EBLN1: variants seen among roughly 807,000 people sequenced by gnomAD.
EBLN1 encodes endogenous Bornavirus-like nucleoprotein 1.
In EBLN1, 1 loss-of-function variant was observed where a neutral mutation model predicts 0.8. That is an observed-to-expected ratio of 1.32 (90% CI 0.47 to 6.26). The LOEUF is 6.26. Ranked by LOEUF, EBLN1 falls within the 30% of genes most tolerant of loss-of-function variation. The pLI is 0.15. For missense variants in EBLN1, 396 were observed against 447.9 expected, an observed-to-expected ratio of 0.88 and a Z score of 1.05; for synonymous variants, 158 against 158.5, an observed-to-expected ratio of 1.00 and a Z score of 0.02.
chr10:22,217,820 A>G (rs1834804802), intron 1 of EBLN1, among the ~76,000 whole-genome samples, 96 bp downstream of exon 1: 1 of 152,236 alleles, frequency 6.6e-6, no homozygotes, highest in Non-Finnish European at 1.5e-5. Flanking sequence ...TAATGTAAAG[A>G]GGAGTAACTA....
Position 22,209,147 on chromosome 10 carries a change from A to C in EBLN1, c.837T>G (p.Phe279Leu), listed in dbSNP as rs1307371262. Residue 279 changes from phenylalanine to leucine, a missense_variant, in exon 3 of 3, where the codon TTT (phenylalanine) becomes TTG (leucine). By Grantham distance (22) the Phe-to-Leu change is conservative. Transcript: ENST00000422359. ...PLAKKVLGDF[F>L]EFGGVLRHPV... ...GGTGGCGAAGTACACCCCCAAATTC[A>C]AAGAAATCTCCAAGTACCTTTTTAG... 6.5e-7 allele frequency: 1 copy of C among 1,535,924 alleles called. No individual in the cohort carries two copies. Among genetic ancestry groups the C allele is most frequent in the East Asian group, 2.4e-5 (1 of 40,926 alleles).
rs1265974085 is a variant in EBLN1 at position 22,209,279 on chromosome 10, C to T, written c.705G>A (p.Met235Ile). 1 of 1,590,048 alleles carries T rather than the reference C, an allele frequency of 6.3e-7. No homozygotes were observed. The highest frequency in any genetic ancestry group is 8.5e-7 in the Non-Finnish European group (1 of 1,175,466). ...VKVVASKAQM[M>I]TYYTVRMFLD... ...GGAACATTCTCACAGTGTAGTAGGT[C>T]ATCATCTGTGCTTTGCTGGCAACTA... Residue 235 changes from methionine (M) to isoleucine (I), a missense_variant, in exon 3 of 3, where the codon ATG (methionine) becomes ATA (isoleucine). Physicochemically the swap from Met to Ile is conservative, Grantham distance 10 (BLOSUM62 1). Coordinates refer to ENST00000422359, the MANE Select transcript of EBLN1 (RefSeq NM_001394757.1).
In EBLN1 at chr10:22,210,034, A is replaced by T; in HGVS notation, c.-44-7T>A. 7.7e-7 allele frequency: 1 copy of T among 1,304,538 alleles called. No homozygotes were observed. The highest frequency in any genetic ancestry group is 1.5e-5 in the African/African-American group (1 of 68,064). 80.8% of individuals were successfully genotyped at this position (1,304,538 alleles called of 1,614,324 possible). A position where few individuals can be genotyped will look rare whatever the true frequency, so the allele number is the denominator to read the frequency against. ...CACACAATTTTGTACTGTACTAAAA[A>T]AATATAGAGAATGGCAATACAACAA... On this transcript the variant is annotated splice_polypyrimidine_tract_variant and splice_region_variant and intron_variant, in intron 2 of 2. Transcript: ENST00000422359.
rs1375477593 is a variant in EBLN1 at position 22,209,242 on chromosome 10, C to T, written c.742G>A (p.Val248Met). 2 of 1,559,562 alleles carry T rather than the reference C, an allele frequency of 1.3e-6. No homozygotes were observed. Among genetic ancestry groups the T allele is most frequent in the African/African-American group, 2.7e-5 (2 of 74,064 alleles). The change falls in exon 3 of 3, where the codon GTG becomes ATG. Residue 248 changes from valine (V) to methionine (M), a missense_variant. Physicochemically the swap from Val to Met is conservative, Grantham distance 21. Transcript: ENST00000422359. ...GCGGGTAAAGCAGTGGAACCATCCA[C>T]ACACTGATCCAGGAACATTCTCACA... ...YTVRMFLDQCVDGSTALPAVV... is the reference protein window; with the variant it reads ...YTVRMFLDQCMDGSTALPAVV...
chr10:22,212,040 CA>C (rs1205482841), intron 2 of EBLN1, among the ~76,000 whole-genome samples: 1 of 152,078 alleles, frequency 6.6e-6, no homozygotes, highest in Non-Finnish European at 1.5e-5. Flanking sequence ...TTACTAAAAC[CA>C]AAGGTCTTAA....
chr10:22,209,352 A>G lies in EBLN1; in HGVS notation c.632T>C (p.Phe211Ser). The change falls in exon 3 of 3, where the codon TTT becomes TCT. Residue 211 changes from phenylalanine to serine, a missense_variant. Coordinates refer to ENST00000422359, the MANE Select transcript of EBLN1 (RefSeq NM_001394757.1). The part of the protein sequence containing the change: ...WVGGLMFTFL[F>S]GEFESPACEL... ...GCACGCAGGGGATTCAAATTCTCCA[A>G]ATAGAAATGTGAACATTAATCCTCC... 1 of 1,605,286 alleles carries G rather than the reference A, an allele frequency of 6.2e-7. No individual in the cohort carries two copies. The highest frequency in any genetic ancestry group is 2.2e-5 in the East Asian group (1 of 44,886).
At chr10:22,217,821 G>T (rs976258927) in intron 1 of EBLN1, among the ~76,000 whole-genome samples, 95 bp downstream of exon 1, 1 of 152,164 alleles carries the variant, frequency 6.6e-6, no homozygotes, top group Admixed American at 6.5e-5. Context: ...AATGTAAAGA[G>T]GAGTAACTAG....
At chr10:22,213,136 T>C (rs1808080920) in intron 1 of EBLN1, among the ~76,000 whole-genome samples, 171 bp from the exon 2 acceptor site, 1 of 152,110 alleles carries the variant, frequency 6.6e-6, no homozygotes, top group South Asian at 2.1e-4. Flanking sequence ...CCTCAGTAAA[T>C]ACACTCCTTT....
rs1306232298 is a variant in EBLN1 at position 22,212,929 on chromosome 10, T to C, written c.-132A>G. Among the ~76,000 whole-genome samples, 1 of 149,664 alleles carries C rather than the reference T, an allele frequency of 6.7e-6. No individual in the cohort carries two copies. The highest frequency in any genetic ancestry group is 2.0e-4 in the East Asian group (1 of 5,118). On this transcript the variant is annotated 5_prime_UTR_variant, in exon 2 of 3. Transcript: ENST00000422359. ...GTGCAGTGAGCTATGATCATACCAC[T>C]GCACTCCAGCCTGGCCAACAGAGTG... is the stretch of plus-strand genomic sequence containing the variant.
chr10:22,210,637 G>A (rs1834743460), intron 2 of EBLN1, among the ~76,000 whole-genome samples: 1 of 152,154 alleles, frequency 6.6e-6, no homozygotes, highest in African/African-American at 2.4e-5. Context: ...ATTTGTCTAG[G>A]ATATTGCTCA....
chr10:22,215,615 A>G (rs1416413479), intron 1 of EBLN1, among the ~76,000 whole-genome samples: 1 of 152,178 alleles, frequency 6.6e-6, no homozygotes, highest in African/African-American at 2.4e-5. Context: ...GCAAATTGAC[A>G]CCACCTTTTT....
rs376340240 is a variant in EBLN1, at chr10:22,218,008, G to A, written c.-261C>T. 1 of 152,260 alleles carries A rather than the reference G, an allele frequency of 6.6e-6. No homozygotes were observed. The highest frequency in any genetic ancestry group is 1.5e-5 in the Non-Finnish European group (1 of 68,090). 9.4% of individuals were successfully genotyped at this position (152,260 alleles called of 1,614,324 possible). On this transcript the variant is annotated 5_prime_UTR_variant, in exon 1 of 3. Transcript: ENST00000422359. ...TCCTCACAGGGCAGCAGGACCTAGA[G>A]AAAGAGCAAGGACGAGGGGAACTGC...
Position 22,209,708 on chromosome 10 carries a change from T to C in EBLN1, c.276A>G (p.Ala92=). ...LCFIFDGLHK[A]LLSVGVSKRS... ...TTTTGCTCACACCGACACTGAGTAGTGCCTTGTGTAATCCATCGAATATAA... is the reference window on the plus strand; with the variant it reads ...TTTTGCTCACACCGACACTGAGTAGCGCCTTGTGTAATCCATCGAATATAA... Residue 92 remains alanine, a synonymous_variant, in exon 3 of 3, where the codon GCA becomes GCG. Coordinates refer to ENST00000422359, the MANE Select transcript of EBLN1 (RefSeq NM_001394757.1). The C allele has an allele frequency of 6.5e-7, 1 of 1,535,934 alleles. No individual in the cohort carries two copies. The highest frequency in any genetic ancestry group is 8.7e-7 in the Non-Finnish European group (1 of 1,146,938).
At chr10:22,210,100 C>T (rs1834736595) in intron 2 of EBLN1, 73 bp from the exon 3 acceptor site, 55 of 1,173,322 alleles carry the variant, frequency 4.7e-5, no homozygotes, top group Non-Finnish European at 5.7e-5. Context: ...TGTATTATGA[C>T]TTCTGTATCT....
chr10:22,211,712 C>T (rs186167151), intron 2 of EBLN1, among the ~76,000 whole-genome samples: 91 of 152,078 alleles, frequency 6.0e-4, no homozygotes, highest in African/African-American at 2.0e-3. Context: ...AGGATGGTCT[C>T]GAACTCCTGA....
intron 1 of EBLN1, among the ~76,000 whole-genome samples, chr10:22,214,167 C>T (rs1331459918): frequency 6.6e-6 from 1 of 151,772 alleles, no homozygotes; most frequent in Non-Finnish European, 1.5e-5. Flanking sequence ...ATACCATCCA[C>T]CCAAATAACC....
At chr10:22,211,182 T>G (rs962174236) in intron 2 of EBLN1, among the ~76,000 whole-genome samples, 11 of 152,242 alleles carry the variant, frequency 7.2e-5, no homozygotes, top group Non-Finnish European at 1.5e-4. Flanking sequence ...TGTTTTGTCA[T>G]GTTCTTAACT....
Position 22,209,101 on chromosome 10 carries a change from G to C in EBLN1, c.883C>G (p.Pro295Ala), listed in dbSNP as rs1167071071. Reference sequence around the variant, plus strand: ...GTTGCTAGGTTTGGGAACATTTGTGGTGATAGCACCCCAATAACAGGGTGG... The same window carrying C: ...GTTGCTAGGTTTGGGAACATTTGTGCTGATAGCACCCCAATAACAGGGTGG... Reference protein sequence around the residue: ...LRHPVIGVLSPQMFPNLATAA... With the variant: ...LRHPVIGVLSAQMFPNLATAA... Residue 295 changes from proline (P) to alanine (A), a missense_variant, in exon 3 of 3, where the codon CCA becomes GCA. By Grantham distance (27) the Pro-to-Ala change is conservative. Transcript: ENST00000422359. 6.5e-7 allele frequency: 1 copy of C among 1,536,454 alleles called. No homozygotes were observed. Among genetic ancestry groups the C allele is most frequent in the Admixed American group, 2.0e-5 (1 of 50,996 alleles).
Position 22,209,960 on chromosome 10 carries a change from T to C in EBLN1, c.24A>G (p.Pro8=). 1 of 1,423,192 alleles carries C rather than the reference T, an allele frequency of 7.0e-7. No homozygotes were observed. Among genetic ancestry groups the C allele is most frequent in the Non-Finnish European group, 9.2e-7 (1 of 1,092,804 alleles). The allele number at this position is 1,423,192 out of a possible 1,614,324, so 88.2% of individuals were successfully genotyped here. The change falls in exon 3 of 3, where the codon CCA becomes CCG. Residue 8 remains proline (P), a synonymous_variant. Transcript: ENST00000422359. ...TACTGTCTTGTGGGCTGCTGGTCTG[T>C]GGGTTGTTTCTTGGGCGGGACATTG... MSRPRNN[P]QTSSPQDSTK...
Sources: allele counts gnomAD v4.1 joint callset (sites outside exome capture counted in the v4.1 genomes callset), GRCh38; gene constraint gnomAD v4.1.1; transcripts MANE v1.5; gene names NCBI Gene and HGNC (gene_info 2026-07-23, HGNC 2026-07-21).